Variants in SHTN1 observed in about 807,000 individuals in gnomAD.
SHTN1 encodes shootin 1.
A neutral mutation model predicts 83.1 loss-of-function variants in SHTN1; 42 were observed. The observed-to-expected ratio is 0.51, with a 90% CI of 0.39 to 0.65. SHTN1 has a LOEUF of 0.65. SHTN1 is among the 30% of genes least tolerant of loss of function. SHTN1 has a pLI of 0.00. For synonymous variants in SHTN1, 224 were observed against 247.7 expected (o/e 0.90, Z 0.90); for missense variants, 622 against 737.8 (o/e 0.84, Z 1.82).
chr10:117,065,725 GATGAA>G (rs1852968991), intron 1 of SHTN1, among the ~76,000 whole-genome samples: 1 of 14,444 alleles, frequency 6.9e-5, no homozygotes, highest in African/African-American at 1.2e-4. Flanking sequence ...GAGAGAGAGA[GATGAA>G]AGAAAGAAAG....
intron 3 of SHTN1, among the ~76,000 whole-genome samples, chr10:116,966,367 G>A (rs1183770299): frequency 6.6e-6 from 1 of 152,034 alleles, no homozygotes; most frequent in Non-Finnish European, 1.5e-5. Flanking sequence ...GTTGTTCTGT[G>A]AGTTACCAAG....
chr10:117,021,643 T>A (rs1852265630), intron 2 of SHTN1, among the ~76,000 whole-genome samples: 1 of 152,220 alleles, frequency 6.6e-6, no homozygotes, highest in Non-Finnish European at 1.5e-5. Flanking sequence ...ATGTACCTTA[T>A]GACATAGCAG....
At position 116,883,046 on chromosome 10, in the gene SHTN1, T is replaced by G. The variant is rs1847066422; in HGVS notation, c.*3298A>C. ...ACAGTGATATAAATTATAATTAAAT[T>G]ACTAAAACCAGAGCAAAAATGTACA... On this transcript the variant is annotated 3_prime_UTR_variant, in exon 17 of 17. Transcript: ENST00000355371. 1 of 151,758 alleles carries G rather than the reference T, an allele frequency of 6.6e-6. No individual in the cohort carries two copies. Among genetic ancestry groups the G allele is most frequent in the Non-Finnish European group, 1.5e-5 (1 of 67,972 alleles). The allele number at this position is 151,758 out of a possible 1,614,324, so 9.4% of individuals were successfully genotyped here.
At chr10:116,986,226 A>G (rs1403968167) in intron 1 of SHTN1, among the ~76,000 whole-genome samples, 1 of 152,196 alleles carries the variant, frequency 6.6e-6, no homozygotes, top group Non-Finnish European at 1.5e-5. Flanking sequence ...ACAAAAAGTA[A>G]AAACAAATTG....
Position 117,039,148 on chromosome 10 carries a change from A to T in SHTN1, c.-123+9297T>A, listed in dbSNP as rs562088080. Among the ~76,000 whole-genome samples the T allele has an allele frequency of 1.2e-4, 18 of 152,360 alleles. 1 individual carries two copies. Among genetic ancestry groups the T allele is most frequent in the African/African-American group, 4.1e-4 (17 of 41,588 alleles). The stretch of plus-strand genomic sequence containing the variant: ...CTGTGGTACATCCAGACAATGGAAT[A>T]TTATTCAGCACTAAAAAGAAAGGAG... On this transcript the variant is annotated intron_variant, in intron 2 of 17. Transcript: ENST00000392901.
At chr10:117,103,139 G>C (rs971268112) in intron 1 of SHTN1, among the ~76,000 whole-genome samples, 1 of 152,102 alleles carries the variant, frequency 6.6e-6, no homozygotes, top group Non-Finnish European at 1.5e-5. Context: ...ACCCAGGCTG[G>C]AGTGCAGTGG....
intron 1 of SHTN1, among the ~76,000 whole-genome samples, chr10:117,124,949 C>T (rs753877911): frequency 2.0e-5 from 3 of 152,122 alleles, no homozygotes; most frequent in Non-Finnish European, 4.4e-5. Flanking sequence ...ATACCTGCTG[C>T]GGGAACCTTG....
chr10:116,907,918 A>T (rs773741375), intron 14 of SHTN1: 6 of 517,800 alleles, frequency 1.2e-5, no homozygotes, highest in Non-Finnish European at 1.9e-5. Context: ...CCTGCCAACT[A>T]CCTGAAGGAT....
chr10:117,020,370 G>A (rs1054835643), intron 2 of SHTN1, among the ~76,000 whole-genome samples: 3 of 150,636 alleles, frequency 2.0e-5, no homozygotes, highest in Non-Finnish European at 4.4e-5. Context: ...ATGGTGACAC[G>A]CGCCTGTAAT....
chr10:116,962,246 T>TCA (rs1272494893), intron 3 of SHTN1, among the ~76,000 whole-genome samples: 4 of 152,082 alleles, frequency 2.6e-5, no homozygotes, highest in Non-Finnish European at 5.9e-5. Flanking sequence ...CCAAGTTTAT[T>TCA]CACACACACA....
chr10:116,965,046 G>A (rs1850338713), intron 3 of SHTN1, among the ~76,000 whole-genome samples: 1 of 152,192 alleles, frequency 6.6e-6, no homozygotes, highest in Admixed American at 6.5e-5. Context: ...AGGGAATGCA[G>A]CTTTGCTATG....
At chr10:116,952,603 CA>C (rs1160657741) in intron 5 of SHTN1, among the ~76,000 whole-genome samples, 6 of 152,168 alleles carry the variant, frequency 3.9e-5, no homozygotes, top group African/African-American at 1.2e-4. Context: ...TATTAGGATT[CA>C]ATGAAAAGTG....
At chr10:116,925,649 TA>T (rs1051479850) in intron 11 of SHTN1, among the ~76,000 whole-genome samples, 1 of 152,122 alleles carries the variant, frequency 6.6e-6, no homozygotes, top group African/African-American at 2.4e-5. Context: ...TCTGTTTCTC[TA>T]AAAAAAGCAC....
In SHTN1 at chr10:117,045,833, T is replaced by C. The variant is rs1051069430; in HGVS notation, c.-123+2612A>G. 2.6e-5 allele frequency among the ~76,000 whole-genome samples: 4 copies of C among 152,174 alleles called. No individual in the cohort carries two copies. The East Asian group carries it at 7.7e-4, about 29-fold the overall frequency. The stretch of plus-strand genomic sequence containing the variant: ...AGACTGGTATTTAAAGTAACCAGAC[T>C]GGTATTTAAAGAACCCTTAATATGC... On this transcript the variant is annotated intron_variant, in intron 2 of 17. Transcript: ENST00000392901.
At chr10:116,917,475 T>C (rs1589804878) in intron 12 of SHTN1, among the ~76,000 whole-genome samples, 2 of 152,322 alleles carry the variant, frequency 1.3e-5, no homozygotes, top group East Asian at 3.9e-4. Context: ...AGCTAATTTT[T>C]GTATTTTTAG....
intron 2 of SHTN1, among the ~76,000 whole-genome samples, chr10:116,974,588 C>T (rs1347443415): frequency 2.0e-5 from 3 of 152,050 alleles, no homozygotes; most frequent in Non-Finnish European, 1.5e-5. Context: ...CTGACAGAAC[C>T]GCCTGATGCA....
intron 7 of SHTN1, among the ~76,000 whole-genome samples, chr10:116,947,127 A>G (rs1289612931): frequency 6.6e-6 from 1 of 152,172 alleles, no homozygotes; most frequent in Admixed American, 6.6e-5. Flanking sequence ...TTACTGCAAG[A>G]CCGAAAGCTT....
chr10:117,087,918 C>T (rs1030995681), intron 1 of SHTN1, among the ~76,000 whole-genome samples: 2 of 152,132 alleles, frequency 1.3e-5, no homozygotes, highest in African/African-American at 4.8e-5. Context: ...CCCTGGGCAA[C>T]ATAGCAAGAC....
intron 10 of SHTN1, 28 bp downstream of exon 10, chr10:116,929,821 G>A: frequency 6.5e-7 from 1 of 1,535,724 alleles, no homozygotes; most frequent in Non-Finnish European, 8.8e-7. Context: ...TTAATAGTAA[G>A]ACATAGTAGC....
Sources: allele counts gnomAD v4.1 joint callset (sites outside exome capture counted in the v4.1 genomes callset), GRCh38; gene constraint gnomAD v4.1.1; transcripts MANE v1.5; gene names NCBI Gene and HGNC (gene_info 2026-07-23, HGNC 2026-07-21).